Variants in FRMD6 observed in about 807,000 individuals in gnomAD.
The protein encoded by FRMD6 is FERM domain containing 6.
FRMD6 carries 37 observed loss-of-function variants against 73.2 expected under a neutral mutation model. The observed-to-expected ratio is 0.51, with a 90% CI of 0.39 to 0.66. The LOEUF is 0.66. Among genes scored for constraint, FRMD6 ranks in the 30% least tolerant of loss-of-function variants. The pLI is 0.00. For missense variants in FRMD6, 714 were observed against 780.5 expected (o/e 0.91, Z 1.02); for synonymous variants, 273 against 282.2 (o/e 0.97, Z 0.33).
chr14:51,427,424 T>G, the FRMD6 span, among the ~76,000 whole-genome samples: 1 of 152,202 alleles, frequency 6.6e-6, no homozygotes, highest in African/African-American at 2.4e-5. Flanking sequence ...AGGCACACAA[T>G]TAAATTATGA....
intron 1 of FRMD6, among the ~76,000 whole-genome samples, chr14:51,499,847 T>C (rs1883502876): frequency 6.6e-6 from 1 of 152,228 alleles, no homozygotes; most frequent in South Asian, 2.1e-4. Flanking sequence ...GTATTTTTTT[T>C]TCTTAATTTG....
intron 2 of FRMD6, among the ~76,000 whole-genome samples, chr14:51,646,318 CAAAAA>C (rs34495089): frequency 4.3e-5 from 3 of 69,252 alleles, no homozygotes; most frequent in African/African-American, 1.8e-4. Context: ...ACTCCATATC[CAAAAA>C]AAAAAAAAAA....
rs76608576 is a variant in FRMD6 at position 51,623,589 on chromosome 14, T to C, written c.-147+53179T>C. On this transcript the variant is annotated intron_variant, in intron 2 of 14. Coordinates refer to the FRMD6 transcript ENST00000356218. ...TAGAAAGCCACTTTACATCTCAACCTGGATGGCTCCTCATCATCCTTCAAA... is the reference window on the plus strand; with the variant it reads ...TAGAAAGCCACTTTACATCTCAACCCGGATGGCTCCTCATCATCCTTCAAA... 3.1e-3 allele frequency among the ~76,000 whole-genome samples: 472 copies of C among 152,350 alleles called. 3 individuals carry two copies. Among genetic ancestry groups the C allele is most frequent in the African/African-American group, 0.011 (437 of 41,578 alleles).
chr14:51,685,158 T>G (rs774227344), intron 1 of FRMD6, among the ~76,000 whole-genome samples: 2 of 152,196 alleles, frequency 1.3e-5, no homozygotes, highest in Non-Finnish European at 2.9e-5. Flanking sequence ...TCATTAGCAC[T>G]ATTATTTTGC....
intron 2 of FRMD6, among the ~76,000 whole-genome samples, chr14:51,624,119 C>CA (rs59658453): frequency 0.65 from 98,755 of 151,682 alleles, 32,403 homozygotes; most frequent in African/African-American, 0.72. Context: ...TGGACACACA[C>CA]GGGGAACAAC....
chr14:51,409,306 T>C, the FRMD6 span, among the ~76,000 whole-genome samples: 3,372 of 149,420 alleles, frequency 0.023, 99 homozygotes, highest in African/African-American at 0.066. Flanking sequence ...CTCGACTTAC[T>C]CTTCAAGACT....
intron 2 of FRMD6, among the ~76,000 whole-genome samples, chr14:51,575,390 G>A (rs1888347237): frequency 6.6e-6 from 1 of 152,170 alleles, no homozygotes; most frequent in African/African-American, 2.4e-5. Flanking sequence ...CTGAACATCA[G>A]GACTTTGGAT....
intron 2 of FRMD6, among the ~76,000 whole-genome samples, chr14:51,600,104 T>A (rs552739788): frequency 2.6e-5 from 4 of 152,066 alleles, no homozygotes; most frequent in South Asian, 2.1e-4. Flanking sequence ...CTAATTTTTT[T>A]AAAATTACAG....
At chr14:51,549,260 C>A (rs190343639) in intron 1 of FRMD6, among the ~76,000 whole-genome samples, 402 of 152,112 alleles carry the variant, frequency 2.6e-3, no homozygotes, top group Middle Eastern at 0.01. Flanking sequence ...GCGTGGTAAA[C>A]CCCTGAAAAA....
At chr14:51,695,499 T>C (rs538960822) in intron 2 of FRMD6, among the ~76,000 whole-genome samples, 25 of 152,210 alleles carry the variant, frequency 1.6e-4, no homozygotes, top group Admixed American at 1.6e-3. Flanking sequence ...GTGGTGGTGG[T>C]GGGTGGGTTT....
chr14:51,720,526 C>T, intron 11 of FRMD6, 136 bp downstream of exon 11: 1 of 748,280 alleles, frequency 1.3e-6, no homozygotes, highest in Non-Finnish European at 2.2e-6. Flanking sequence ...TTGTCTTCCC[C>T]AATGACTTGG....
intron 1 of FRMD6, among the ~76,000 whole-genome samples, chr14:51,653,391 T>G (rs1892573738): frequency 6.6e-6 from 1 of 152,238 alleles, no homozygotes; most frequent in South Asian, 2.1e-4. Flanking sequence ...AGTCATTTCC[T>G]TTCTGTGATT....
At chr14:51,519,410 A>G (rs1884822273) in intron 1 of FRMD6, among the ~76,000 whole-genome samples, 1 of 152,094 alleles carries the variant, frequency 6.6e-6, no homozygotes. Flanking sequence ...TCGGCTTCCC[A>G]AAGTGCTGGG....
chr14:51,468,939 TTTTG>T, the FRMD6 span, among the ~76,000 whole-genome samples: 8 of 152,098 alleles, frequency 5.3e-5, no homozygotes, highest in Non-Finnish European at 8.8e-5. Flanking sequence ...TGTTTGTTTG[TTTTG>T]TTTGTTTGTT....
the FRMD6 span, among the ~76,000 whole-genome samples, chr14:51,478,779 G>A: frequency 0.82 from 124,239 of 152,202 alleles, 50,981 homozygotes; most frequent in African/African-American, 0.9. Flanking sequence ...GATGGAAGTC[G>A]GGGACCACGA....
intron 2 of FRMD6, among the ~76,000 whole-genome samples, chr14:51,634,464 G>A (rs1891466811): frequency 6.6e-6 from 1 of 152,112 alleles, no homozygotes; most frequent in African/African-American, 2.4e-5. Flanking sequence ...CCAATTATTT[G>A]TTAAGATGAA....
chr14:51,590,062 CAAAAA>C (rs529602796), intron 2 of FRMD6, among the ~76,000 whole-genome samples: 6,199 of 82,542 alleles, frequency 0.075, 150 homozygotes, highest in South Asian at 0.13. Flanking sequence ...GAGCGAAACT[CAAAAA>C]AAAAAAAAAA....
chr14:51,703,154 G>A (rs575853363), intron 5 of FRMD6, among the ~76,000 whole-genome samples: 2 of 152,112 alleles, frequency 1.3e-5, no homozygotes, highest in Admixed American at 1.3e-4. Context: ...ATTTGACAAG[G>A]GCAGGTAATT....
chr14:51,450,987 G>C, the FRMD6 span, among the ~76,000 whole-genome samples: 3 of 152,212 alleles, frequency 2.0e-5, no homozygotes, highest in Non-Finnish European at 2.9e-5. Context: ...CCCACCTGCA[G>C]AGTGGGCATG....
Sources: gnomAD v4.1 joint callset for allele counts (sites outside exome capture counted in the v4.1 genomes callset) on GRCh38, gnomAD v4.1.1 for gene constraint, MANE v1.5 for transcripts, NCBI Gene and HGNC (gene_info 2026-07-23, HGNC 2026-07-21) for gene names.